Variants in WDPCP observed in about 807,000 individuals in gnomAD.
The protein encoded by WDPCP is WD repeat-containing and planar cell polarity effector protein fritz homolog.
In WDPCP, 71 loss-of-function variants were observed where a neutral mutation model predicts 93.1. That is an observed-to-expected ratio of 0.76 (90% CI 0.63 to 0.93). WDPCP has a LOEUF of 0.93. WDPCP is among the 40% of genes least tolerant of loss of function. WDPCP has a pLI of 0.00. For synonymous variants in WDPCP, 315 were observed against 315.0 expected (o/e 1.00, Z 0.00); for missense variants, 844 against 887.4 (o/e 0.95, Z 0.62).
At chr2:63,274,935 A>G (rs539740819) in intron 13 of WDPCP, among the ~76,000 whole-genome samples, 1 of 152,242 alleles carries the variant, frequency 6.6e-6, no homozygotes, top group South Asian at 2.1e-4. Flanking sequence ...AATTCTCCTA[A>G]CTCATTCTAT....
intron 2 of WDPCP, among the ~76,000 whole-genome samples, chr2:63,759,352 C>G (rs1232019267): frequency 6.6e-6 from 1 of 152,096 alleles, no homozygotes; most frequent in Non-Finnish European, 1.5e-5. Context: ...AAAGTCTTGT[C>G]ACAGCTTCAG....
chr2:63,716,079 T>C (rs1244403193), intron 2 of WDPCP, among the ~76,000 whole-genome samples: 22 of 152,198 alleles, frequency 1.4e-4, no homozygotes, highest in Admixed American at 1.4e-3. Context: ...AAGGAGAGTA[T>C]AATGTTTCTT....
chr2:63,297,159 A>G (rs1448526613), intron 13 of WDPCP, among the ~76,000 whole-genome samples: 1 of 152,214 alleles, frequency 6.6e-6, no homozygotes, highest in Non-Finnish European at 1.5e-5. Context: ...AGGATGGTCC[A>G]GAGGTGGTGA....
At chr2:63,409,030 C>G (rs1400246853) in intron 9 of WDPCP, among the ~76,000 whole-genome samples, 1 of 152,182 alleles carries the variant, frequency 6.6e-6, no homozygotes. Context: ...CCACAGGTCC[C>G]TCTCCATAAT....
At chr2:63,406,646 A>G (rs994184106) in intron 9 of WDPCP, among the ~76,000 whole-genome samples, 3 of 152,192 alleles carry the variant, frequency 2.0e-5, no homozygotes, top group Non-Finnish European at 4.4e-5. Flanking sequence ...GGAAAACTCT[A>G]TTTTATGCTT....
intron 2 of WDPCP, among the ~76,000 whole-genome samples, chr2:63,802,127 C>T (rs1291451177): frequency 6.6e-6 from 1 of 151,640 alleles, no homozygotes; most frequent in Non-Finnish European, 1.5e-5. Flanking sequence ...TAGCTTTAAC[C>T]TCAAACTTGT....
rs969288175 is a variant in WDPCP at position 63,119,566 on chromosome 2, T to C, written c.*2440A>G. The C allele has an allele frequency of 6.6e-6, 1 of 152,194 alleles. No individual in the cohort carries two copies. The highest frequency in any genetic ancestry group is 1.5e-5 in the Non-Finnish European group (1 of 68,028). 9.4% of individuals were successfully genotyped at this position (152,194 alleles called of 1,614,324 possible). A position where few individuals can be genotyped will look rare whatever the true frequency, so the allele number is the denominator to read the frequency against. ...AGCAAAAACTTTTAGACATTAGCATTCCAAGCAAAGTTTATTCTAGCAATA... is the reference window on the plus strand; with the variant it reads ...AGCAAAAACTTTTAGACATTAGCATCCCAAGCAAAGTTTATTCTAGCAATA... On this transcript the variant is annotated 3_prime_UTR_variant, in exon 18 of 18. Coordinates refer to ENST00000272321, the MANE Select transcript of WDPCP (RefSeq NM_015910.7).
intron 13 of WDPCP, among the ~76,000 whole-genome samples, chr2:63,305,187 T>C (rs577927836): frequency 6.6e-6 from 1 of 152,188 alleles, no homozygotes; most frequent in African/African-American, 2.4e-5. Context: ...GACTTAAACA[T>C]TCCTGCCTGC....
intron 14 of WDPCP, 37 bp downstream of exon 14, chr2:63,259,270 A>G (rs745498158): frequency 6.5e-7 from 1 of 1,528,474 alleles, no homozygotes; most frequent in African/African-American, 1.4e-5. Flanking sequence ...ACTATTGATT[A>G]AAATAAAAAG....
At chr2:63,660,428 TAGG>T (rs1441995350) in intron 2 of WDPCP, among the ~76,000 whole-genome samples, 2 of 152,090 alleles carry the variant, frequency 1.3e-5, no homozygotes, top group Non-Finnish European at 1.5e-5. Flanking sequence ...TTACAGAGAG[TAGG>T]AGAAGAGTAG....
intron 17 of WDPCP, among the ~76,000 whole-genome samples, chr2:63,150,821 A>T (rs1671839636): frequency 6.6e-6 from 1 of 152,246 alleles, no homozygotes; most frequent in South Asian, 2.1e-4. Context: ...ATAGCAATAG[A>T]AAATTATGCA....
chr2:63,215,943 G>C (rs1292787523), intron 14 of WDPCP, among the ~76,000 whole-genome samples: 1 of 152,270 alleles, frequency 6.6e-6, no homozygotes, highest in East Asian at 1.9e-4. Context: ...GCAGCCAAAA[G>C]ACACATGAAA....
chr2:63,776,267 A>G lies in WDPCP; in HGVS notation n.308+37355T>C, dbSNP rs569735085. Among the ~76,000 whole-genome samples, 7 of 152,276 alleles carry G rather than the reference A, an allele frequency of 4.6e-5. No homozygotes were observed. In the South Asian group the frequency reaches 1.5e-3, roughly 32 times the overall value. ...CACCTCAGATAAAGGAATTGTATCCAGAATACATGAAGAACTATTGAAACT... is the reference window on the plus strand; with the variant it reads ...CACCTCAGATAAAGGAATTGTATCCGGAATACATGAAGAACTATTGAAACT... On this transcript the variant is annotated intron_variant and non_coding_transcript_variant, in intron 2 of 4. Transcript: ENST00000467687.
At chr2:63,725,479 C>G (rs534057496) in intron 2 of WDPCP, among the ~76,000 whole-genome samples, 1 of 152,234 alleles carries the variant, frequency 6.6e-6, no homozygotes, top group Non-Finnish European at 1.5e-5. Context: ...CATGTCTTTG[C>G]TATTGTGAAT....
chr2:63,776,160 CAA>C (rs61099920), intron 2 of WDPCP, among the ~76,000 whole-genome samples: 4 of 126,578 alleles, frequency 3.2e-5, no homozygotes, highest in African/African-American at 2.9e-5. Context: ...AACTGAATCT[CAA>C]AAAAAAAAAA....
At chr2:63,338,564 AAAAAAATATATATATATATATATAT>A (rs1449128490) in intron 12 of WDPCP, among the ~76,000 whole-genome samples, 419 of 23,344 alleles carry the variant, frequency 0.018, 39 homozygotes, top group African/African-American at 0.12. Flanking sequence ...AAAAAAAAAA[AAAAAAATATATATATATATATATAT>A]ATATATATAT....
At chr2:63,203,992 A>C (rs1031453561) in intron 14 of WDPCP, among the ~76,000 whole-genome samples, 1 of 152,174 alleles carries the variant, frequency 6.6e-6, no homozygotes, top group African/African-American at 2.4e-5. Context: ...GGCTCCTGTG[A>C]ACAACATTGC....
At chr2:63,537,027 C>T (rs1704338535) in intron 1 of WDPCP, among the ~76,000 whole-genome samples, 1 of 152,108 alleles carries the variant, frequency 6.6e-6, no homozygotes, top group African/African-American at 2.4e-5. Context: ...CTCAGCCTCC[C>T]ATAGTACTGG....
At chr2:63,127,121 CTT>C (rs66754554) in intron 17 of WDPCP, among the ~76,000 whole-genome samples, 18,787 of 119,930 alleles carry the variant, frequency 0.16, 1,433 homozygotes, top group Middle Eastern at 0.25. Flanking sequence ...ACATATTTAA[CTT>C]TTTTTTTTTT....
Sources: allele counts gnomAD v4.1 joint callset (sites outside exome capture counted in the v4.1 genomes callset), GRCh38; gene constraint gnomAD v4.1.1; transcripts MANE v1.5; gene names NCBI Gene and HGNC (gene_info 2026-07-23, HGNC 2026-07-21).